The following GALNS variants were observed in gnomAD, a reference collection of about 807,000 sequenced individuals.
The protein encoded by GALNS is N-acetylgalactosamine-6-sulfatase.
Under a neutral mutation model 65.9 loss-of-function variants are expected in GALNS, and 65 were observed. That is an observed-to-expected ratio of 0.99 (90% CI 0.81 to 1.21). The LOEUF is 1.21. Ranked by LOEUF, GALNS falls within the 50% of genes most tolerant of loss-of-function variation. The probability of loss-of-function intolerance (pLI) is 0.00; values close to 1 mark genes in which losing one functional copy is unlikely to be tolerated. For missense variants in GALNS, 776 were observed against 700.7 expected (o/e 1.11, Z -1.21); for synonymous variants, 346 against 288.9 (o/e 1.20, Z -2.00).
At chr16:88,833,482 C>T (rs1345392644) in intron 8 of GALNS, among the ~76,000 whole-genome samples, 2 of 146,058 alleles carry the variant, frequency 1.4e-5, no homozygotes, top group Non-Finnish European at 3.0e-5. Context: ...CATGGAGTCT[C>T]GCTCTGTCGC....
intron 1 of GALNS, among the ~76,000 whole-genome samples, chr16:88,849,730 T>C (rs370695732): frequency 1.3e-5 from 2 of 151,942 alleles, no homozygotes; most frequent in African/African-American, 4.8e-5. Context: ...AGCCCTGAGA[T>C]GGTTTATTTT....
chr16:88,822,726 G>A lies in GALNS; in HGVS notation c.1243-16C>T, dbSNP rs751628798. 1.9e-6 allele frequency: 3 copies of A among 1,610,974 alleles called. No individual in the cohort carries two copies. Among genetic ancestry groups the A allele is most frequent in the Admixed American group, 1.7e-5 (1 of 59,904 alleles). On this transcript the variant is annotated splice_polypyrimidine_tract_variant and intron_variant, in intron 11 of 13. Transcript: ENST00000268695. The stretch of plus-strand genomic sequence containing the variant: ...AATCAATGCCCTGCAATGAGAAGAG[G>A]GAAGGTGTGTCCTGGAGCCCCTGAC...
In GALNS at chr16:88,822,488, GC is replaced by G. The variant is rs996243444; in HGVS notation, c.1364+100del. 3.8e-5 allele frequency: 56 copies of G among 1,488,442 alleles called. No individual in the cohort carries two copies. The African/African-American group carries it at 6.6e-4, about 18-fold the overall frequency. 92.2% of individuals were successfully genotyped at this position (1,488,442 alleles called of 1,614,324 possible). ...CAACAGCAGATGCAGGCAAGGGGAG[GC>G]GGCGGGCAGGGTGCAGAGGGCTCTG... On this transcript the variant is annotated intron_variant, in intron 12 of 13. Coordinates refer to ENST00000268695, the MANE Select transcript of GALNS (RefSeq NM_000512.5).
intron 6 of GALNS, 96 bp downstream of exon 6, chr16:88,836,105 G>T: frequency 8.1e-7 from 1 of 1,236,058 alleles, no homozygotes; most frequent in South Asian, 1.3e-5. Flanking sequence ...GGGTGAGGTT[G>T]ATGCATTCCT....
chr16:88,816,585 G>C (rs1048939373), intron 13 of GALNS: 1 of 982,414 alleles, frequency 1.0e-6, no homozygotes, highest in African/African-American at 1.8e-5. Flanking sequence ...CTGCAGGGTG[G>C]ACTGTCCCTG....
In GALNS at chr16:88,843,233, G is replaced by C. The variant is rs895726215; in HGVS notation, c.121-404C>G. The C allele has an allele frequency of 2.3e-6, 3 of 1,293,574 alleles. No individual in the cohort carries two copies. The Admixed American group carries it at 6.9e-5, about 30-fold the overall frequency. 80.1% of individuals were successfully genotyped at this position (1,293,574 alleles called of 1,614,324 possible). A position where few individuals can be genotyped will look rare whatever the true frequency, so the allele number is the denominator to read the frequency against. On this transcript the variant is annotated intron_variant, in intron 1 of 13. Coordinates refer to ENST00000268695, the MANE Select transcript of GALNS (RefSeq NM_000512.5). The stretch of plus-strand genomic sequence containing the variant: ...AACATAAATACACAGGCCCTCGTAT[G>C]TCTGTACACGTCTAGATTTCAAAGT...
At chr16:88,848,191 A>G (rs1186208478) in intron 1 of GALNS, among the ~76,000 whole-genome samples, 2 of 152,204 alleles carry the variant, frequency 1.3e-5, no homozygotes, top group Non-Finnish European at 2.9e-5. Flanking sequence ...GGGGAGCACA[A>G]GGGAGTGACC....
In GALNS at chr16:88,834,326, CCA is replaced by C. The variant is rs1567529200; in HGVS notation, c.898+885_898+886del. Reference sequence around the variant, plus strand: ...CTGGGACGAGGCTGTAGGGCTCTCCCCACCACGTGGTCTGGGAAGAGGCTGCA... The same window carrying C: ...CTGGGACGAGGCTGTAGGGCTCTCCCCCACGTGGTCTGGGAAGAGGCTGCA... On this transcript the variant is annotated intron_variant, in intron 8 of 13. Coordinates refer to ENST00000268695, the MANE Select transcript of GALNS (RefSeq NM_000512.5). Among the ~76,000 whole-genome samples the C allele has an allele frequency of 1.0e-3, 148 of 146,910 alleles. 2 individuals carry two copies. The highest frequency in any genetic ancestry group is 3.6e-3 in the African/African-American group (143 of 39,848).
intron 8 of GALNS, among the ~76,000 whole-genome samples, chr16:88,833,743 C>A (rs1911771651): frequency 6.6e-6 from 1 of 152,226 alleles, no homozygotes; most frequent in African/African-American, 2.4e-5. Context: ...AGCCACCACG[C>A]CCAGCCCCCT....
rs1911986160 is a variant in GALNS, at chr16:88,835,201, G to A, written c.898+12C>T. On this transcript the variant is annotated intron_variant, in intron 8 of 13. Transcript: ENST00000268695. Reference sequence around the variant, plus strand: ...TGTGGGGAAACCGTGAGAAGTGACAGCGAGCACTCACCTTGTTCGGGGGCG... The same window carrying A: ...TGTGGGGAAACCGTGAGAAGTGACAACGAGCACTCACCTTGTTCGGGGGCG... 2 of 1,569,168 alleles carry A rather than the reference G, an allele frequency of 1.3e-6. No homozygotes were observed. Among genetic ancestry groups the A allele is most frequent in the South Asian group, 1.2e-5 (1 of 85,906 alleles).
intron 13 of GALNS, chr16:88,816,487 A>C (rs1909635871): frequency 7.1e-6 from 7 of 984,722 alleles, no homozygotes; most frequent in South Asian, 9.4e-5. Context: ...AGGGCCCTGA[A>C]TATCTTCCTA....
At chr16:88,853,641 G>A (rs1967613237) in intron 1 of GALNS, among the ~76,000 whole-genome samples, 1 of 152,240 alleles carries the variant, frequency 6.6e-6, no homozygotes. Flanking sequence ...GGGCCAGAGT[G>A]GAACTTGTCA....
At chr16:88,826,124 G>A (rs1331163920) in intron 10 of GALNS, among the ~76,000 whole-genome samples, 1 of 151,840 alleles carries the variant, frequency 6.6e-6, no homozygotes, top group Non-Finnish European at 1.5e-5. Context: ...AAACCAGGCT[G>A]GGCAGGGAAC....
intron 13 of GALNS, chr16:88,816,853 C>T (rs907819852): frequency 1.0e-6 from 1 of 985,352 alleles, no homozygotes; most frequent in Admixed American, 6.1e-5. Flanking sequence ...TGCCGAGGGG[C>T]CTTCTTCCCG....
chr16:88,843,146 A>C, intron 1 of GALNS: 3 of 1,422,042 alleles, frequency 2.1e-6, no homozygotes, highest in Non-Finnish European at 2.8e-6. Context: ...GCCTCCTCCC[A>C]GCCTGACACC....
intron 3 of GALNS, among the ~76,000 whole-genome samples, 193 bp downstream of exon 3, chr16:88,841,704 C>T (rs148757772): frequency 5.3e-5 from 8 of 152,192 alleles, no homozygotes; most frequent in Non-Finnish European, 7.4e-5. Flanking sequence ...TCCGCTCAGT[C>T]CCCACTGGGC....
chr16:88,827,403 G>A (rs1911044400), intron 9 of GALNS, among the ~76,000 whole-genome samples: 1 of 152,230 alleles, frequency 6.6e-6, no homozygotes, highest in African/African-American at 2.4e-5. Context: ...CATGAGCAGA[G>A]CGTGCCATCT....
Position 88,856,412 on chromosome 16 carries a change from A to T in GALNS, c.120+346T>A, listed in dbSNP as rs746860494. The T allele has an allele frequency of 5.7e-5, 40 of 701,246 alleles. 1 individual carries two copies. Among genetic ancestry groups the T allele is most frequent in the Middle Eastern group, 2.4e-4 (1 of 4,250 alleles). 43.4% of individuals were successfully genotyped at this position (701,246 alleles called of 1,614,324 possible). On this transcript the variant is annotated intron_variant, in intron 1 of 13. Coordinates refer to ENST00000268695, the MANE Select transcript of GALNS (RefSeq NM_000512.5). ...AAGAGTAGAGGGCGGGAAAGGTCAG[A>T]CGGGGGAGGCAGGGCCCGGTAGCAC... is the stretch of plus-strand genomic sequence containing the variant.
At chr16:88,828,020 G>A (rs932415909) in intron 9 of GALNS, among the ~76,000 whole-genome samples, 1 of 152,242 alleles carries the variant, frequency 6.6e-6, no homozygotes, top group Non-Finnish European at 1.5e-5. Flanking sequence ...CACTCACTCC[G>A]CGCTGCAGCC....
Sources: allele counts gnomAD v4.1 joint callset (sites outside exome capture counted in the v4.1 genomes callset), GRCh38; gene constraint gnomAD v4.1.1; transcripts MANE v1.5; gene names NCBI Gene and HGNC (gene_info 2026-07-23, HGNC 2026-07-21).